PHF24: variants seen among roughly 807,000 people sequenced by gnomAD.
PHF24 encodes the protein Galpha inhibitory interacting protein.
Under a neutral mutation model 42.6 loss-of-function variants are expected in PHF24, and 25 were observed. That is an observed-to-expected ratio of 0.59 (90% CI 0.43 to 0.82). PHF24 has a LOEUF of 0.82. Among genes scored for constraint, PHF24 ranks in the 40% least tolerant of loss-of-function variants. PHF24 has a pLI of 0.00. For synonymous variants in PHF24, 185 were observed against 204.8 expected (o/e 0.90, Z 0.83); for missense variants, 470 against 538.1 (o/e 0.87, Z 1.25).
the PHF24 span, among the ~76,000 whole-genome samples, chr9:34,935,344 A>G: frequency 6.6e-6 from 1 of 152,194 alleles, no homozygotes; most frequent in East Asian, 1.9e-4. Context: ...CCAGCACCCC[A>G]GCACTCTGGG....
At chr9:34,933,934 AG>A in the PHF24 span, among the ~76,000 whole-genome samples, 1 of 151,750 alleles carries the variant, frequency 6.6e-6, no homozygotes, top group Non-Finnish European at 1.5e-5. Flanking sequence ...TAGTAGAGAC[AG>A]GGTTTTACTA....
the PHF24 span, among the ~76,000 whole-genome samples, chr9:34,810,874 C>T: frequency 6.6e-6 from 1 of 152,154 alleles, no homozygotes; most frequent in East Asian, 1.9e-4. Context: ...GGGCCCCAAG[C>T]GGGGGACGAG....
At chr9:34,861,457 G>A in the PHF24 span, among the ~76,000 whole-genome samples, 1 of 152,096 alleles carries the variant, frequency 6.6e-6, no homozygotes. Context: ...TAAATAAGAG[G>A]CAGAGGCACA....
the PHF24 span, among the ~76,000 whole-genome samples, chr9:34,883,010 A>G: frequency 6.6e-6 from 1 of 152,198 alleles, no homozygotes; most frequent in Non-Finnish European, 1.5e-5. Flanking sequence ...TGGTACCAAA[A>G]CAGAGATATA....
chr9:34,956,196 C>T (rs2132831078), upstream of PHF24, among the ~76,000 whole-genome samples: 1 of 152,274 alleles, frequency 6.6e-6, no homozygotes, highest in Admixed American at 6.5e-5. Context: ...AGTACTGTGT[C>T]TTACTCTTAT....
At chr9:34,789,423 C>T in the PHF24 span, among the ~76,000 whole-genome samples, 1 of 152,234 alleles carries the variant, frequency 6.6e-6, no homozygotes, top group Non-Finnish European at 1.5e-5. Context: ...CCCCATAACA[C>T]CATCATGTAA....
the PHF24 span, among the ~76,000 whole-genome samples, chr9:34,758,707 G>A: frequency 6.6e-6 from 1 of 152,078 alleles, no homozygotes; most frequent in African/African-American, 2.4e-5. This position sits in a 1 kb window ranked among gnomAD's most constrained non-coding sequence, Gnocchi z 4.4. Context: ...GATTGGCGGG[G>A]GATAGGCAGT....
chr9:34,953,262 A>G (rs1826301852), upstream of PHF24, among the ~76,000 whole-genome samples: 2 of 152,092 alleles, frequency 1.3e-5, no homozygotes, highest in African/African-American at 4.8e-5. This position sits in a 1 kb window ranked among gnomAD's most constrained non-coding sequence, Gnocchi z 4.1. Context: ...ACAATCCTCC[A>G]CCTCAGCCTC....
chr9:34,936,529 C>A, the PHF24 span, among the ~76,000 whole-genome samples: 3 of 150,878 alleles, frequency 2.0e-5, no homozygotes, highest in African/African-American at 7.3e-5. Context: ...CCTGGCCGCC[C>A]ATCGTCTGGG....
the PHF24 span, among the ~76,000 whole-genome samples, chr9:34,822,611 G>A: frequency 6.6e-6 from 1 of 152,214 alleles, no homozygotes; most frequent in African/African-American, 2.4e-5. Flanking sequence ...GGGTTGTTAT[G>A]TGCGTGATTC....
At chr9:34,963,755 G>C (rs111505169) in intron 1 of PHF24, among the ~76,000 whole-genome samples, 1 of 152,206 alleles carries the variant, frequency 6.6e-6, no homozygotes, top group South Asian at 2.1e-4. Flanking sequence ...AATCATCCTC[G>C]TGTTCTCATC....
At chr9:34,706,808 A>C in the PHF24 span, among the ~76,000 whole-genome samples, 1 of 152,102 alleles carries the variant, frequency 6.6e-6, no homozygotes, top group African/African-American at 2.4e-5. Context: ...GCCTGACGTC[A>C]AAGGCCTTTT....
At chr9:34,759,359 C>A in the PHF24 span, among the ~76,000 whole-genome samples, 1 of 152,196 alleles carries the variant, frequency 6.6e-6, no homozygotes, top group African/African-American at 2.4e-5. Context: ...ATTATAAAAC[C>A]TGCCTCCTAT....
chr9:34,768,667 A>G, the PHF24 span, among the ~76,000 whole-genome samples: 1 of 152,210 alleles, frequency 6.6e-6, no homozygotes, highest in East Asian at 1.9e-4. Context: ...AACCTAAGGA[A>G]CACTCTCACT....
At chr9:34,935,730 G>T in the PHF24 span, among the ~76,000 whole-genome samples, 3 of 138,330 alleles carry the variant, frequency 2.2e-5, no homozygotes, top group Non-Finnish European at 3.2e-5. Flanking sequence ...GAGTGTATTT[G>T]TGTGTGGGGG....
the PHF24 span, among the ~76,000 whole-genome samples, chr9:34,899,389 C>A: frequency 6.6e-6 from 1 of 152,216 alleles, no homozygotes; most frequent in Non-Finnish European, 1.5e-5. Flanking sequence ...TTCATACGTA[C>A]CCATGAGTCC....
exon 8 of PHF24, chr9:34,980,010 A>G (rs1827335945): frequency 6.6e-6 from 1 of 152,256 alleles, no homozygotes; most frequent in Non-Finnish European, 1.5e-5. Context: ...ATGAAAGCAC[A>G]TTAAGCACAG....
chr9:34,756,324 C>T, the PHF24 span, among the ~76,000 whole-genome samples: 1 of 152,116 alleles, frequency 6.6e-6, no homozygotes, highest in East Asian at 1.9e-4. Context: ...GTCCCGAACT[C>T]CCGACCTCAG....
the PHF24 span, among the ~76,000 whole-genome samples, chr9:34,928,216 CA>C: frequency 1.2e-3 from 130 of 109,258 alleles, 1 homozygote; most frequent in South Asian, 3.9e-3. Context: ...GACTCTGTCT[CA>C]AAAAAAAAAA....
Sources: gnomAD v4.1 joint callset for allele counts (sites outside exome capture counted in the v4.1 genomes callset) on GRCh38, gnomAD v4.1.1 for gene constraint, Gnocchi (gnomAD v3.1) non-coding constraint, MANE v1.5 for transcripts, NCBI Gene and HGNC (gene_info 2026-07-23, HGNC 2026-07-21) for gene names.